Variants in PLSCR2 observed in about 807,000 individuals in gnomAD.
PLSCR2 encodes phospholipid scramblase 2.
In PLSCR2, 18 loss-of-function variants were observed where a neutral mutation model predicts 25.3. The observed-to-expected ratio is 0.71, with a 90% CI of 0.49 to 1.06. PLSCR2 has a LOEUF of 1.06. PLSCR2 is among the 50% of genes least tolerant of loss of function. The pLI, the probability that PLSCR2 is intolerant of heterozygous loss-of-function variation, is 0.00. For synonymous variants in PLSCR2, 88 were observed against 87.3 expected (o/e 1.01, Z -0.04); for missense variants, 243 against 269.5 (o/e 0.90, Z 0.69).
chr3:146,468,476 A>G (rs2041963374), intron 1 of PLSCR2, among the ~76,000 whole-genome samples: 1 of 152,360 alleles, frequency 6.6e-6, no homozygotes, highest in Non-Finnish European at 1.5e-5. Context: ...CAGTGAATGA[A>G]TGAAACCACA....
chr3:146,451,827 A>T (rs2040915427), intron 5 of PLSCR2, among the ~76,000 whole-genome samples: 1 of 151,974 alleles, frequency 6.6e-6, no homozygotes, highest in Non-Finnish European at 1.5e-5. Context: ...GGATTGGTGA[A>T]CTCACTTGCC....
intron 2 of PLSCR2, among the ~76,000 whole-genome samples, chr3:146,425,548 CA>C (rs1402137501): frequency 6.6e-6 from 1 of 152,016 alleles, no homozygotes; most frequent in Non-Finnish European, 1.5e-5. Context: ...CTGCAGTTAA[CA>C]AATATCTAAA....
At chr3:146,433,252 C>G (rs2039618980), downstream of PLSCR2, 1 of 152,072 alleles carries the variant, frequency 6.6e-6, no homozygotes, top group Non-Finnish European at 1.5e-5. Flanking sequence ...CAAATACACA[C>G]CATTCTCTCA....
At chr3:146,467,533 G>C (rs768009628) in intron 1 of PLSCR2, among the ~76,000 whole-genome samples, 1 of 151,798 alleles carries the variant, frequency 6.6e-6, no homozygotes, top group African/African-American at 2.4e-5. Context: ...GCACTGTACA[G>C]GCACTAAAAA....
intron 1 of PLSCR2, among the ~76,000 whole-genome samples, chr3:146,486,687 C>CA (rs548360966): frequency 0.011 from 1,641 of 149,614 alleles, 10 homozygotes; most frequent in Middle Eastern, 0.048. Flanking sequence ...AATTGCCTAC[C>CA]AAAAAAAAAC....
chr3:146,392,170 A>C, intron 3 of PLSCR2, among the ~76,000 whole-genome samples: 1 of 152,112 alleles, frequency 6.6e-6, no homozygotes, highest in Admixed American at 6.5e-5. Context: ...TTTGCTGTTT[A>C]TTTAAGTTTG....
intron 6 of PLSCR2, among the ~76,000 whole-genome samples, chr3:146,447,225 TCTCTC>T (rs927034855): frequency 1.3e-5 from 2 of 152,164 alleles, no homozygotes. Flanking sequence ...GACAAAATCT[TCTCTC>T]CTCTTCCCTC....
chr3:146,396,355 G>A (rs1036121297), intron 2 of PLSCR2, among the ~76,000 whole-genome samples: 4 of 151,572 alleles, frequency 2.6e-5, no homozygotes, highest in Admixed American at 2.0e-4. Context: ...ACCTCCTAGA[G>A]CATCATTTCT....
At chr3:146,437,216 G>A (rs1300010734), downstream of PLSCR2, among the ~76,000 whole-genome samples, 1 of 152,044 alleles carries the variant, frequency 6.6e-6, no homozygotes, top group Non-Finnish European at 1.5e-5. Flanking sequence ...ATGTTCATCA[G>A]GGATATTGGT....
chr3:146,493,783 G>GTTTTTTTTTTTTTTTTTT (rs34986699), intron 1 of PLSCR2, among the ~76,000 whole-genome samples: 1 of 54,770 alleles, frequency 1.8e-5, no homozygotes, highest in Non-Finnish European at 3.2e-5. Flanking sequence ...CCAAGGTGGC[G>GTTTTTTTTTTTTTTTTTT]TTTTTTTTTT....
chr3:146,462,396 T>G (rs936287724), upstream of PLSCR2, among the ~76,000 whole-genome samples: 5 of 151,992 alleles, frequency 3.3e-5, no homozygotes, highest in Non-Finnish European at 5.9e-5. Context: ...GTGGCCTTGG[T>G]AGGAATTTAG....
At chr3:146,476,086 C>T (rs913507201) in intron 1 of PLSCR2, among the ~76,000 whole-genome samples, 11 of 151,782 alleles carry the variant, frequency 7.2e-5, no homozygotes, top group Non-Finnish European at 1.5e-4. Flanking sequence ...ATAGCGGGGG[C>T]GCCGGGGGGT....
At chr3:146,458,330 A>T in intron 3 of PLSCR2, 81 bp downstream of exon 3, 1 of 1,202,820 alleles carries the variant, frequency 8.3e-7, no homozygotes, top group African/African-American at 1.6e-5. Flanking sequence ...TCGGAATGCT[A>T]TATTTATAGT....
At position 146,425,231 on chromosome 3, in the gene PLSCR2, C is replaced by A. The variant is rs191325025; in HGVS notation, c.101-29310G>T. ...ATGAATGACATCAAGTCATTTATTGCAAGTAAGAGGCTGTATCTGCCCATT... is the reference window on the plus strand; with the variant it reads ...ATGAATGACATCAAGTCATTTATTGAAAGTAAGAGGCTGTATCTGCCCATT... On this transcript the variant is annotated intron_variant and NMD_transcript_variant, in intron 2 of 3. Coordinates refer to the PLSCR2 transcript ENST00000463633. Among the ~76,000 whole-genome samples the A allele has an allele frequency of 7.1e-4, 108 of 152,174 alleles. 1 individual carries two copies. Among genetic ancestry groups the A allele is most frequent in the African/African-American group, 2.5e-3 (105 of 41,512 alleles).
At chr3:146,478,489 A>T (rs1194558125) in intron 1 of PLSCR2, among the ~76,000 whole-genome samples, 2 of 152,210 alleles carry the variant, frequency 1.3e-5, no homozygotes, top group Non-Finnish European at 2.9e-5. Flanking sequence ...AAGAAAGGGT[A>T]TTGGTGATTG....
downstream of PLSCR2, among the ~76,000 whole-genome samples, chr3:146,429,750 C>T (rs548394351): frequency 7.2e-5 from 11 of 151,964 alleles, no homozygotes; most frequent in South Asian, 1.7e-3. Flanking sequence ...CTCAGCCTCC[C>T]GAGTAGCTGG....
chr3:146,473,602 G>C (rs974096975), intron 1 of PLSCR2, among the ~76,000 whole-genome samples: 7 of 152,048 alleles, frequency 4.6e-5, no homozygotes, highest in African/African-American at 1.7e-4. Flanking sequence ...CACTGCGCCT[G>C]GCTGAAAAGT....
At chr3:146,489,489 G>A (rs534077389) in intron 1 of PLSCR2, among the ~76,000 whole-genome samples, 1 of 152,088 alleles carries the variant, frequency 6.6e-6, no homozygotes, top group African/African-American at 2.4e-5. Flanking sequence ...ATTTTAGAGA[G>A]GTCCAATCAT....
At chr3:146,489,184 T>C (rs1354328573) in intron 1 of PLSCR2, among the ~76,000 whole-genome samples, 1 of 151,856 alleles carries the variant, frequency 6.6e-6, no homozygotes, top group African/African-American at 2.4e-5. Context: ...GTAGGGGAGA[T>C]AGCATCAGGA....
Sources: allele counts gnomAD v4.1 joint callset (sites outside exome capture counted in the v4.1 genomes callset), GRCh38; gene constraint gnomAD v4.1.1; transcripts MANE v1.5; gene names NCBI Gene and HGNC (gene_info 2026-07-23, HGNC 2026-07-21).